Variants in SWT1 observed in about 807,000 individuals in gnomAD.
SWT1 encodes SWT1 RNA endoribonuclease homolog, also known as transcriptional protein SWT1.
In SWT1, 33 loss-of-function variants were observed where a neutral mutation model predicts 107.3. The observed-to-expected ratio is 0.31, with a 90% CI of 0.23 to 0.41. The LOEUF is 0.41. SWT1 is among the 10% of genes least tolerant of loss of function. SWT1 has a pLI of 1.00. For synonymous variants in SWT1, 345 were observed against 348.3 expected, an observed-to-expected ratio of 0.99 and a Z score of 0.11; for missense variants, 898 against 1,028.9, an observed-to-expected ratio of 0.87 and a Z score of 1.74.
At chr1:185,218,204 A>G (rs1007233343) in intron 14 of SWT1, among the ~76,000 whole-genome samples, 54 of 152,342 alleles carry the variant, frequency 3.5e-4, no homozygotes, top group African/African-American at 1.3e-3. Flanking sequence ...TGTAAAAACT[A>G]CCTAATCTTA....
intron 15 of SWT1, chr1:185,226,987 C>G: frequency 1.2e-6 from 1 of 869,392 alleles, no homozygotes; most frequent in Non-Finnish European, 1.9e-6. Flanking sequence ...TTACACATCT[C>G]CTCCATCATG....
chr1:185,289,035 A>G (rs574350542), intron 18 of SWT1, among the ~76,000 whole-genome samples: 22 of 152,266 alleles, frequency 1.4e-4, no homozygotes, highest in Admixed American at 2.0e-4. Context: ...AACTCTGTCA[A>G]CTTCCTTACC....
intron 10 of SWT1, among the ~76,000 whole-genome samples, chr1:185,197,722 A>G (rs931886264): frequency 6.6e-6 from 1 of 152,062 alleles, no homozygotes; most frequent in Non-Finnish European, 1.5e-5. Flanking sequence ...CATTTTTTCT[A>G]GATTTTCTAG....
In SWT1 at chr1:185,222,622, G is replaced by A. The variant is rs918603027; in HGVS notation, c.2309+586G>A. ...AAAAAGAAAAGTACAAAAATAAGCC[G>A]GGCGTGATGGCGTGTACCTGTCATC... On this transcript the variant is annotated intron_variant, in intron 15 of 18. Transcript: ENST00000367500. 5.3e-5 allele frequency among the ~76,000 whole-genome samples: 8 copies of A among 151,792 alleles called. No homozygotes were observed. The South Asian group carries it at 6.2e-4, about 12-fold the overall frequency.
chr1:185,260,323 T>C (rs888331790), intron 16 of SWT1, among the ~76,000 whole-genome samples: 6 of 152,104 alleles, frequency 3.9e-5, no homozygotes, highest in Non-Finnish European at 7.4e-5. Context: ...GTACTCATGC[T>C]TTTCTTTTAC....
chr1:185,286,493 G>A (rs1484046467), intron 18 of SWT1, among the ~76,000 whole-genome samples: 2 of 152,036 alleles, frequency 1.3e-5, no homozygotes, highest in East Asian at 3.9e-4. Flanking sequence ...CAAAGTGCTG[G>A]GATTACAGGC....
intron 14 of SWT1, among the ~76,000 whole-genome samples, chr1:185,216,868 C>T (rs994954825): frequency 1.3e-5 from 2 of 151,888 alleles, no homozygotes; most frequent in Non-Finnish European, 2.9e-5. Context: ...AGGAGAATTA[C>T]CTGAACCCAG....
intron 10 of SWT1, among the ~76,000 whole-genome samples, chr1:185,193,085 G>A (rs1657095720): frequency 6.6e-6 from 1 of 152,054 alleles, no homozygotes; most frequent in Non-Finnish European, 1.5e-5. Flanking sequence ...AATATGTTGT[G>A]TTTTCATTTT....
chr1:185,237,935 C>T (rs543608792), intron 16 of SWT1, among the ~76,000 whole-genome samples: 11 of 151,672 alleles, frequency 7.3e-5, no homozygotes, highest in African/African-American at 2.7e-4. Flanking sequence ...ACACCTAGCA[C>T]TAGGGATAAG....
chr1:185,245,953 A>G (rs963598370), intron 16 of SWT1, among the ~76,000 whole-genome samples: 9 of 151,726 alleles, frequency 5.9e-5, no homozygotes, highest in African/African-American at 2.2e-4. Flanking sequence ...ATTTTTGTAT[A>G]GAGGGGGTTT....
Position 185,290,627 on chromosome 1 carries a change from C to T in SWT1, c.2574-47C>T, listed in dbSNP as rs1203690382. The T allele has an allele frequency of 2.9e-6, 4 of 1,396,452 alleles. No homozygotes were observed. In the African/African-American group the frequency reaches 4.4e-5, roughly 15 times the overall value. 86.5% of individuals were successfully genotyped at this position (1,396,452 alleles called of 1,614,324 possible). On this transcript the variant is annotated intron_variant, in intron 18 of 18. Coordinates refer to ENST00000367500, the MANE Select transcript of SWT1 (RefSeq NM_017673.7). Reference sequence around the variant, plus strand: ...ATAAAATGAAAAAGAATTTTTATTTCTCTGACTAGCTGTCTTGCAATGATT... The same window carrying T: ...ATAAAATGAAAAAGAATTTTTATTTTTCTGACTAGCTGTCTTGCAATGATT...
intron 17 of SWT1, among the ~76,000 whole-genome samples, chr1:185,272,885 A>G (rs906576139): frequency 2.6e-5 from 4 of 151,744 alleles, no homozygotes; most frequent in African/African-American, 9.7e-5. Context: ...AAAACAAACA[A>G]AATTAGCCGG....
intron 18 of SWT1, among the ~76,000 whole-genome samples, chr1:185,277,695 A>G (rs900980653): frequency 1.3e-5 from 2 of 152,208 alleles, no homozygotes; most frequent in African/African-American, 4.8e-5. Context: ...TTCAAGAACA[A>G]CTGATATAAA....
intron 5 of SWT1, among the ~76,000 whole-genome samples, chr1:185,175,470 G>C (rs571150199): frequency 1.1e-3 from 173 of 152,128 alleles, no homozygotes; most frequent in African/African-American, 4.0e-3. Flanking sequence ...GAAGCAGTTC[G>C]CCCCTGCTCA....
chr1:185,226,175 A>C (rs562010311), intron 15 of SWT1, among the ~76,000 whole-genome samples: 2 of 152,308 alleles, frequency 1.3e-5, no homozygotes, highest in South Asian at 4.1e-4. Context: ...GTTCACCTAT[A>C]ATGTACATGC....
intron 7 of SWT1, among the ~76,000 whole-genome samples, chr1:185,183,632 A>T (rs757181707): frequency 6.6e-6 from 1 of 152,148 alleles, no homozygotes; most frequent in Non-Finnish European, 1.5e-5. Flanking sequence ...CACTCAGGAT[A>T]TGTTAAAATT....
At chr1:185,253,776 C>T (rs1313733568) in intron 16 of SWT1, among the ~76,000 whole-genome samples, 2 of 151,790 alleles carry the variant, frequency 1.3e-5, no homozygotes, top group East Asian at 1.9e-4. Context: ...TTATTTCCTT[C>T]TCCTGCCTAA....
chr1:185,243,268 A>G (rs961660572), intron 16 of SWT1, among the ~76,000 whole-genome samples: 1 of 151,886 alleles, frequency 6.6e-6, no homozygotes, highest in Non-Finnish European at 1.5e-5. Flanking sequence ...GCCACCACAC[A>G]CAGCCTATTT....
chr1:185,185,702 T>C (rs1656410908), intron 9 of SWT1, among the ~76,000 whole-genome samples: 1 of 152,154 alleles, frequency 6.6e-6, no homozygotes, highest in African/African-American at 2.4e-5. Flanking sequence ...AATCCAATTA[T>C]GGTATTAACT....
Sources: allele counts gnomAD v4.1 joint callset (sites outside exome capture counted in the v4.1 genomes callset), GRCh38; gene constraint gnomAD v4.1.1; transcripts MANE v1.5; gene names NCBI Gene and HGNC (gene_info 2026-07-23, HGNC 2026-07-21).